TANGO6: variants seen among roughly 807,000 people sequenced by gnomAD.
TANGO6 encodes transport and Golgi organization protein 6 homolog.
In TANGO6, 90 loss-of-function variants were observed where a neutral mutation model predicts 114.2. The ratio of observed to expected loss-of-function variants is 0.79; its 90% CI spans 0.66 to 0.94. The LOEUF is 0.94. TANGO6 is among the 40% of genes least tolerant of loss of function. The pLI, the probability that TANGO6 is intolerant of heterozygous loss-of-function variation, is 0.00. For synonymous variants in TANGO6, 477 were observed against 509.8 expected (o/e 0.94, Z 0.87); for missense variants, 1,274 against 1,315.3 (o/e 0.97, Z 0.49).
At chr16:68,886,831 T>C (rs1186115324) in intron 7 of TANGO6, among the ~76,000 whole-genome samples, 1 of 146,362 alleles carries the variant, frequency 6.8e-6, no homozygotes, top group Non-Finnish European at 1.5e-5. Flanking sequence ...TTTTTGAGAT[T>C]GAGTCTCACT....
intron 14 of TANGO6, among the ~76,000 whole-genome samples, chr16:68,940,859 A>G (rs1395049449): frequency 6.6e-6 from 1 of 152,206 alleles, no homozygotes; most frequent in African/African-American, 2.4e-5. Context: ...TATTTTTTAC[A>G]TTGAAAAATA....
intron 4 of TANGO6, among the ~76,000 whole-genome samples, chr16:68,873,210 G>A (rs1460801256): frequency 6.6e-6 from 1 of 151,728 alleles, no homozygotes; most frequent in Non-Finnish European, 1.5e-5. Flanking sequence ...TCACCTCCTG[G>A]TCTCTTTGGA....
chr16:68,894,239 A>G (rs1349833373), intron 7 of TANGO6, among the ~76,000 whole-genome samples: 1 of 152,194 alleles, frequency 6.6e-6, no homozygotes, highest in African/African-American at 2.4e-5. Flanking sequence ...TAAGCCAATG[A>G]TCAGGGGACG....
intron 17 of TANGO6, among the ~76,000 whole-genome samples, chr16:69,062,161 C>T (rs1960127929): frequency 6.6e-6 from 1 of 152,184 alleles, no homozygotes; most frequent in East Asian, 1.9e-4. Context: ...TGGGTCAAAA[C>T]TTATTCTGAC....
At chr16:69,042,052 G>A (rs1389265008) in intron 17 of TANGO6, among the ~76,000 whole-genome samples, 1 of 152,138 alleles carries the variant, frequency 6.6e-6, no homozygotes, top group African/African-American at 2.4e-5. Flanking sequence ...GAACCCCCCA[G>A]GAGAATTCCT....
At chr16:69,070,114 A>G (rs1960274961) in intron 17 of TANGO6, among the ~76,000 whole-genome samples, 1 of 151,534 alleles carries the variant, frequency 6.6e-6, no homozygotes, top group African/African-American at 2.4e-5. Flanking sequence ...AGGCTGAGGC[A>G]GGAGAATCAC....
chr16:68,909,620 T>C (rs1033529946), intron 11 of TANGO6: 4 of 374,902 alleles, frequency 1.1e-5, no homozygotes, highest in African/African-American at 8.3e-5. Flanking sequence ...CCCGAGGTGA[T>C]TCTCATGCAA....
At chr16:68,889,518 A>G (rs2152175281) in intron 7 of TANGO6, among the ~76,000 whole-genome samples, 1 of 152,324 alleles carries the variant, frequency 6.6e-6, no homozygotes, top group Non-Finnish European at 1.5e-5. Context: ...AAAAAACTTT[A>G]TAGTGAAAAG....
Position 68,923,674 on chromosome 16 carries a change from T to C in TANGO6, c.2128-3894T>C, listed in dbSNP as rs543001909. ...CAGCCTCATTTAGAGATGTCTTACT[T>C]TCTGCCATATTTAATAAACCTGCCA... On this transcript the variant is annotated intron_variant, in intron 12 of 17. Coordinates refer to ENST00000261778, the MANE Select transcript of TANGO6 (RefSeq NM_024562.2). 2.1e-4 allele frequency among the ~76,000 whole-genome samples: 32 copies of C among 152,346 alleles called. 1 individual carries two copies. Among genetic ancestry groups the C allele is most frequent in the Admixed American group, 3.9e-4 (6 of 15,304 alleles).
At chr16:68,975,170 A>G (rs1963751556) in intron 15 of TANGO6, among the ~76,000 whole-genome samples, 1 of 152,190 alleles carries the variant, frequency 6.6e-6, no homozygotes, top group Admixed American at 6.6e-5. Context: ...CAAATCTTGT[A>G]AACAGGCTGT....
At chr16:69,043,241 T>C (rs1959800057) in intron 17 of TANGO6, among the ~76,000 whole-genome samples, 3 of 151,350 alleles carry the variant, frequency 2.0e-5, no homozygotes, top group Admixed American at 6.6e-5. Context: ...ACACCCTTAC[T>C]GAGTGAGAGA....
intron 17 of TANGO6, among the ~76,000 whole-genome samples, chr16:69,056,805 G>A (rs983243920): frequency 2.6e-5 from 4 of 151,964 alleles, no homozygotes; most frequent in Non-Finnish European, 5.9e-5. Context: ...CAGTAACCCC[G>A]AGTATCTGGG....
At chr16:69,063,799 C>A (rs1325420502) in intron 17 of TANGO6, among the ~76,000 whole-genome samples, 5 of 123,274 alleles carry the variant, frequency 4.1e-5, no homozygotes, top group Middle Eastern at 3.8e-3. Flanking sequence ...TCTTCTTCTT[C>A]TTCTTCTTCT....
At chr16:68,927,435 G>A (rs1963181477) in intron 12 of TANGO6, 133 bp from the exon 13 acceptor site, 1 of 877,942 alleles carries the variant, frequency 1.1e-6, no homozygotes, top group Admixed American at 2.6e-5. Flanking sequence ...CTGGACCCAG[G>A]CAATACACTG....
intron 17 of TANGO6, among the ~76,000 whole-genome samples, chr16:69,073,890 G>A (rs918099853): frequency 3.9e-5 from 6 of 151,936 alleles, no homozygotes; most frequent in Non-Finnish European, 7.4e-5. Context: ...AGGAGGCAGA[G>A]GTTGCAGTGA....
chr16:68,938,303 A>G (rs539745220), intron 14 of TANGO6, among the ~76,000 whole-genome samples: 1 of 152,336 alleles, frequency 6.6e-6, no homozygotes, highest in South Asian at 2.1e-4. Flanking sequence ...TTTGTTCTGG[A>G]GAAAGATCAT....
chr16:69,014,502 G>A (rs1959256322), intron 15 of TANGO6, among the ~76,000 whole-genome samples: 1 of 152,122 alleles, frequency 6.6e-6, no homozygotes, highest in South Asian at 2.1e-4. Context: ...GGCGACAGGT[G>A]GATACTTGAA....
intron 16 of TANGO6, among the ~76,000 whole-genome samples, chr16:69,024,965 G>T (rs941646783): frequency 6.6e-6 from 1 of 152,060 alleles, no homozygotes; most frequent in Non-Finnish European, 1.5e-5. Context: ...GTGCCACCAC[G>T]CCTGGTTAAG....
chr16:68,893,982 G>T (rs1445239088), intron 7 of TANGO6, among the ~76,000 whole-genome samples: 2 of 152,150 alleles, frequency 1.3e-5, no homozygotes, highest in African/African-American at 2.4e-5. Context: ...CCTCCATGGG[G>T]CAGGAACAGC....
Sources: allele counts gnomAD v4.1 joint callset (sites outside exome capture counted in the v4.1 genomes callset), GRCh38; gene constraint gnomAD v4.1.1; transcripts MANE v1.5; gene names NCBI Gene and HGNC (gene_info 2026-07-23, HGNC 2026-07-21).